Variants in DMD observed in about 807,000 individuals in gnomAD.
DMD encodes the protein mutant dystrophin.
Under a neutral mutation model 330.1 loss-of-function variants are expected in DMD, and 63 were observed. The observed-to-expected ratio is 0.19, with a 90% CI of 0.16 to 0.24. The LOEUF is 0.24. Ranked by LOEUF, DMD falls within the 10% of genes least tolerant of loss-of-function variation. The pLI is 1.00. For missense variants in DMD, 3,344 were observed against 2,684.1 expected, an observed-to-expected ratio of 1.25 and a Z score of -5.43; for synonymous variants, 1,223 against 959.8, an observed-to-expected ratio of 1.27 and a Z score of -5.07.
intron 21 of DMD, among the ~76,000 whole-genome samples, chrX:32,476,781 T>C (rs2041278756): frequency 9.0e-6 from 1 of 111,619 alleles, no homozygotes; most frequent in Non-Finnish European, 1.9e-5. Context: ...CCCCACCTAC[T>C]AGCTGGTGAG....
intron 64 of DMD, among the ~76,000 whole-genome samples, chrX:31,217,536 C>A (rs1002111916): frequency 3.2e-4 from 36 of 112,183 alleles, no homozygotes; most frequent in Admixed American, 2.8e-3. Flanking sequence ...GAGATAACAT[C>A]ATTAATTTTC....
At chrX:33,171,896 T>G in intron 1 of DMD, among the ~76,000 whole-genome samples, 1 of 110,975 alleles carries the variant, frequency 9.0e-6, no homozygotes, top group East Asian at 2.8e-4. Flanking sequence ...GTGATCCAAT[T>G]TTATAGATAG....
chrX:32,142,388 G>A (rs1202650675), intron 44 of DMD, among the ~76,000 whole-genome samples: 2 of 112,224 alleles, frequency 1.8e-5, no homozygotes, highest in African/African-American at 6.5e-5. Flanking sequence ...TTTTGACAAA[G>A]GGCTTTAAAG....
chrX:32,465,575 GTTTTTTGTTTTTTT>G (rs1401969105), intron 23 of DMD, among the ~76,000 whole-genome samples: 2 of 27,835 alleles, frequency 7.2e-5, no homozygotes, highest in Non-Finnish European at 1.4e-4. Context: ...TTTTTTGTTT[GTTTTTTGTTTTTTT>G]TTTTTTTTTT....
chrX:32,071,581 C>G (rs1205262788), intron 44 of DMD, among the ~76,000 whole-genome samples: 1 of 106,521 alleles, frequency 9.4e-6, no homozygotes, highest in African/African-American at 3.4e-5. Context: ...ATGGGTGCAG[C>G]ACACCAACAT....
chrX:32,586,287 A>G (rs2054282165), intron 13 of DMD, among the ~76,000 whole-genome samples: 1 of 109,888 alleles, frequency 9.1e-6, no homozygotes, highest in African/African-American at 3.3e-5. Context: ...AAAATTTTAT[A>G]TACTAATGCA....
chrX:32,122,527 T>C (rs2096641072), intron 44 of DMD, among the ~76,000 whole-genome samples: 1 of 111,617 alleles, frequency 9.0e-6, no homozygotes, highest in Non-Finnish European at 1.9e-5. Flanking sequence ...CTGTAAGGTG[T>C]TATCTGGATT....
chrX:32,601,657 AG>A (rs1038210197), intron 12 of DMD, among the ~76,000 whole-genome samples: 2 of 98,182 alleles, frequency 2.0e-5, no homozygotes, highest in African/African-American at 7.0e-5. Flanking sequence ...TGTAGTCAAA[AG>A]TGTAGCATCT....
chrX:32,613,859 G>C (rs1162367375), intron 12 of DMD, among the ~76,000 whole-genome samples: 4 of 111,372 alleles, frequency 3.6e-5, no homozygotes, highest in Non-Finnish European at 7.6e-5. Flanking sequence ...AACTGAGAAT[G>C]AGGTAATTTA....
At chrX:31,301,309 C>T (rs1394392035) in intron 62 of DMD, among the ~76,000 whole-genome samples, 1 of 111,474 alleles carries the variant, frequency 9.0e-6, no homozygotes, top group Non-Finnish European at 1.9e-5. Context: ...CATCACATTG[C>T]TATAAAGAAC....
At chrX:31,520,634 G>C (rs186850917) in intron 55 of DMD, among the ~76,000 whole-genome samples, 15 of 111,562 alleles carry the variant, frequency 1.3e-4, no homozygotes, top group African/African-American at 4.6e-4. Flanking sequence ...CACTGAAGCA[G>C]GTCCAGGGTA....
chrX:31,177,716 C>G (rs2040668641), intron 71 of DMD, among the ~76,000 whole-genome samples: 1 of 107,443 alleles, frequency 9.3e-6, no homozygotes, highest in Non-Finnish European at 1.9e-5. Context: ...GTGGAGGAAC[C>G]AAAAAACCCA....
At chrX:31,934,355 A>G (rs1366452007) in intron 45 of DMD, among the ~76,000 whole-genome samples, 1 of 111,829 alleles carries the variant, frequency 8.9e-6, no homozygotes, top group Non-Finnish European at 1.9e-5. Flanking sequence ...ATATGATAAG[A>G]GCCTGTTCAA....
chrX:31,881,177 G>A (rs1390417402), intron 47 of DMD, among the ~76,000 whole-genome samples: 1 of 111,320 alleles, frequency 9.0e-6, no homozygotes, highest in African/African-American at 3.3e-5. Flanking sequence ...TTTAAGCTAA[G>A]TGTTATTACA....
At chrX:32,541,671 G>C (rs958331707) in intron 17 of DMD, among the ~76,000 whole-genome samples, 1 of 111,238 alleles carries the variant, frequency 9.0e-6, no homozygotes, top group African/African-American at 3.3e-5. Flanking sequence ...TGGGAGGCAG[G>C]TGAGGATGGG....
intron 43 of DMD, among the ~76,000 whole-genome samples, chrX:32,275,385 G>C (rs1307590866): frequency 9.0e-6 from 1 of 111,610 alleles, no homozygotes; most frequent in Non-Finnish European, 1.9e-5. Flanking sequence ...TTATCATCAA[G>C]TCGTATTGAT....
intron 1 of DMD, among the ~76,000 whole-genome samples, chrX:33,222,445 T>C (rs1274682130): frequency 8.9e-6 from 1 of 112,472 alleles, no homozygotes; most frequent in African/African-American, 3.2e-5. Flanking sequence ...TCATACTTAA[T>C]AGTGAAGTAT....
At position 31,150,673 on chromosome X, in the gene DMD, A is replaced by G. The variant is rs147114406; in HGVS notation, c.10554-3155T>C. Among the ~76,000 whole-genome samples, 220 of 112,050 alleles carry G rather than the reference A, an allele frequency of 2.0e-3. 6 individuals are homozygous for G. The East Asian group carries it at 0.053, about 27-fold the overall frequency. On this transcript the variant is annotated intron_variant, in intron 74 of 78. Coordinates refer to ENST00000357033, the MANE Select transcript of DMD (RefSeq NM_004006.3). ...AAGAGTTTTCCCATTGTCCAGTTTG[A>G]GAAAGCAAGATCATCTCATCACCAG...
chrX:31,421,932 TACAC>T (rs1230087249), intron 60 of DMD, among the ~76,000 whole-genome samples: 11,971 of 81,908 alleles, frequency 0.15, 1,331 homozygotes, highest in East Asian at 0.38. Context: ...TATATATATA[TACAC>T]ACACACATAT....
Sources: gnomAD v4.1 joint callset for allele counts (sites outside exome capture counted in the v4.1 genomes callset) on GRCh38, gnomAD v4.1.1 for gene constraint, MANE v1.5 for transcripts, NCBI Gene and HGNC (gene_info 2026-07-23, HGNC 2026-07-21) for gene names.